SCHIP1: variants seen among roughly 807,000 people sequenced by gnomAD.
SCHIP1 encodes the protein schwannomin-interacting protein 1.
A neutral mutation model predicts 29.7 loss-of-function variants in SCHIP1; 8 were observed. The ratio of observed to expected loss-of-function variants is 0.27; its 90% confidence interval spans 0.16 to 0.49. The LOEUF is 0.49. SCHIP1 is among the 20% of genes least tolerant of loss of function. The pLI is 0.99. For synonymous variants in SCHIP1, 76 were observed against 94.9 expected (o/e 0.80, Z 1.16); for missense variants, 193 against 294.6 (o/e 0.66, Z 2.52).
the SCHIP1 span, among the ~76,000 whole-genome samples, chr3:159,315,301 C>A: frequency 6.6e-6 from 1 of 150,914 alleles, no homozygotes; most frequent in East Asian, 1.9e-4. Context: ...CGGGTTCACG[C>A]CATTCTCCTG....
chr3:159,444,816 A>G, the SCHIP1 span, among the ~76,000 whole-genome samples: 2 of 152,324 alleles, frequency 1.3e-5, no homozygotes, highest in East Asian at 3.9e-4. Flanking sequence ...CTTCGATGTG[A>G]TGAAGCAGAA....
At chr3:159,377,914 G>T in the SCHIP1 span, among the ~76,000 whole-genome samples, 1 of 152,158 alleles carries the variant, frequency 6.6e-6, no homozygotes, top group African/African-American at 2.4e-5. Context: ...TACATCTTCT[G>T]TTCCTAATCA....
the SCHIP1 span, among the ~76,000 whole-genome samples, chr3:159,655,269 G>A: frequency 6.6e-6 from 1 of 152,184 alleles, no homozygotes; most frequent in Non-Finnish European, 1.5e-5. Flanking sequence ...ATTTGCATCT[G>A]TAAGTATGAA....
At chr3:159,879,346 C>T (rs964364873) in intron 2 of SCHIP1, among the ~76,000 whole-genome samples, 3 of 151,492 alleles carry the variant, frequency 2.0e-5, no homozygotes, top group Non-Finnish European at 4.4e-5. Flanking sequence ...TCTGACATCT[C>T]AAGACGGACT....
intron 1 of SCHIP1, among the ~76,000 whole-genome samples, chr3:159,847,451 GA>G (rs1269733285): frequency 6.6e-6 from 1 of 152,102 alleles, no homozygotes; most frequent in Non-Finnish European, 1.5e-5. Context: ...CAAACTTCCT[GA>G]AATAGAAAGT....
chr3:159,527,901 A>C, the SCHIP1 span, among the ~76,000 whole-genome samples: 1 of 152,344 alleles, frequency 6.6e-6, no homozygotes, highest in South Asian at 2.1e-4. Context: ...TGTTTGCCAA[A>C]GGCTTGAATT....
At chr3:159,635,518 T>G in the SCHIP1 span, among the ~76,000 whole-genome samples, 1 of 152,218 alleles carries the variant, frequency 6.6e-6, no homozygotes, top group Non-Finnish European at 1.5e-5. Context: ...TAATATAGCT[T>G]CTTCTTCCTT....
chr3:159,381,703 C>G, the SCHIP1 span, among the ~76,000 whole-genome samples: 1 of 152,056 alleles, frequency 6.6e-6, no homozygotes, highest in Non-Finnish European at 1.5e-5. Flanking sequence ...TCGAGAGATT[C>G]TTGTGCCCCA....
the SCHIP1 span, among the ~76,000 whole-genome samples, chr3:159,771,640 C>T: frequency 2.7e-5 from 4 of 150,750 alleles, 1 homozygote; most frequent in Admixed American, 2.6e-4. Context: ...GCTCTGTCTA[C>T]TGGCATGTAC....
At chr3:159,889,405 A>G (rs1717269983) in intron 5 of SCHIP1, among the ~76,000 whole-genome samples, 1 of 152,250 alleles carries the variant, frequency 6.6e-6, no homozygotes, top group African/African-American at 2.4e-5. Context: ...ACAGGGTGAC[A>G]AAATACAGAC....
At chr3:159,776,751 A>G in the SCHIP1 span, among the ~76,000 whole-genome samples, 1 of 152,248 alleles carries the variant, frequency 6.6e-6, no homozygotes, top group Non-Finnish European at 1.5e-5. Context: ...TGTCTGTACT[A>G]ACACGTGACT....
chr3:159,534,111 T>A, the SCHIP1 span, among the ~76,000 whole-genome samples: 2 of 152,222 alleles, frequency 1.3e-5, no homozygotes, highest in Non-Finnish European at 2.9e-5. Context: ...TTTAATAATG[T>A]ACATTCTGTT....
the SCHIP1 span, among the ~76,000 whole-genome samples, chr3:159,649,839 ATAG>A: frequency 6.6e-6 from 1 of 152,158 alleles, no homozygotes; most frequent in Non-Finnish European, 1.5e-5. Flanking sequence ...TTGCATCAAA[ATAG>A]TAGGACCAAA....
the SCHIP1 span, among the ~76,000 whole-genome samples, chr3:159,726,389 A>G: frequency 6.6e-6 from 1 of 152,208 alleles, no homozygotes; most frequent in East Asian, 1.9e-4. Context: ...GAGTTCATAC[A>G]TGAAGGTAAC....
the SCHIP1 span, among the ~76,000 whole-genome samples, chr3:159,374,543 G>T: frequency 6.6e-6 from 1 of 152,204 alleles, no homozygotes; most frequent in Non-Finnish European, 1.5e-5. Flanking sequence ...AAGGTTATTA[G>T]TCATACTGTT....
the SCHIP1 span, among the ~76,000 whole-genome samples, chr3:159,479,061 G>T: frequency 1.3e-5 from 2 of 151,880 alleles, no homozygotes; most frequent in Admixed American, 1.3e-4. Context: ...TGCCTAATAT[G>T]CATCAATTTT....
chr3:159,453,873 T>G, the SCHIP1 span, among the ~76,000 whole-genome samples: 1 of 152,196 alleles, frequency 6.6e-6, no homozygotes. Context: ...CACTGAACGC[T>G]AATACAGCAC....
At chr3:159,642,902 A>G in the SCHIP1 span, among the ~76,000 whole-genome samples, 1 of 152,018 alleles carries the variant, frequency 6.6e-6, no homozygotes, top group Non-Finnish European at 1.5e-5. Context: ...CTGCGATTCT[A>G]TAGAATTTAG....
chr3:159,327,332 G>A, the SCHIP1 span, among the ~76,000 whole-genome samples: 3 of 152,154 alleles, frequency 2.0e-5, no homozygotes, highest in African/African-American at 7.2e-5. Context: ...AGGCAAGAGG[G>A]AATCTTTAGC....
Sources: gnomAD v4.1 joint callset for allele counts (sites outside exome capture counted in the v4.1 genomes callset) on GRCh38, gnomAD v4.1.1 for gene constraint, MANE v1.5 for transcripts, NCBI Gene and HGNC (gene_info 2026-07-23, HGNC 2026-07-21) for gene names.